FGF12: variants seen among roughly 807,000 people sequenced by gnomAD.
The protein encoded by FGF12 is fibroblast growth factor 12, also known as fibroblast growth factor 12B.
FGF12 carries 14 observed loss-of-function variants against 23.6 expected under a neutral mutation model. That is an observed-to-expected ratio of 0.59 (90% confidence interval 0.39 to 0.93). The LOEUF (loss-of-function observed/expected upper bound fraction) is 0.93, where lower values mean the gene tolerates loss of function less well. FGF12 is among the 40% of genes least tolerant of loss of function. The pLI, the probability that FGF12 is intolerant of heterozygous loss-of-function variation, is 0.00. For missense variants in FGF12, 175 were observed against 217.8 expected, an observed-to-expected ratio of 0.80 and a Z score of 1.24; for synonymous variants, 62 against 77.3, an observed-to-expected ratio of 0.80 and a Z score of 1.04.
intron 2 of FGF12, among the ~76,000 whole-genome samples, chr3:192,546,796 T>A (rs1725505948): frequency 6.6e-6 from 1 of 152,142 alleles, no homozygotes; most frequent in Non-Finnish European, 1.5e-5. Flanking sequence ...TGCCTATAAT[T>A]CTCCACACTT....
In FGF12 at chr3:192,408,285, G is replaced by A. The variant is rs930469897; in HGVS notation, c.14-47747C>T. The A allele has an allele frequency of 4.0e-6, 6 of 1,492,000 alleles. No individual in the cohort carries two copies. Among genetic ancestry groups the A allele is most frequent in the Non-Finnish European group, 4.4e-6 (5 of 1,126,114 alleles). 92.4% of individuals were successfully genotyped at this position (1,492,000 alleles called of 1,614,324 possible). On this transcript the variant is annotated intron_variant, in intron 2 of 5. Coordinates refer to ENST00000445105, the MANE Select transcript of FGF12 (RefSeq NM_004113.6). The surrounding 1 kb of genome is among the most constrained non-coding windows in gnomAD (Gnocchi z 7.3). ...TGCGCCCTCCGGCTTGCGCTCCGCC[G>A]GGGCGAGGGCAGGACCTGGGCGGCC...
chr3:192,232,466 C>A (rs1304343870), intron 4 of FGF12, among the ~76,000 whole-genome samples: 3 of 152,070 alleles, frequency 2.0e-5, no homozygotes, highest in Non-Finnish European at 4.4e-5. Flanking sequence ...ATTCCATAGT[C>A]AACCCTAGCA....
chr3:192,160,289 TTA>T (rs1714793557), intron 5 of FGF12, among the ~76,000 whole-genome samples: 1 of 152,130 alleles, frequency 6.6e-6, no homozygotes, highest in Non-Finnish European at 1.5e-5. Flanking sequence ...AGCCCTCAAT[TTA>T]TAGTCTTTCC....
At chr3:192,585,507 C>A (rs780692990) in intron 2 of FGF12, among the ~76,000 whole-genome samples, 17 of 152,052 alleles carry the variant, frequency 1.1e-4, no homozygotes, top group Non-Finnish European at 2.2e-4. Flanking sequence ...AGATTCTAGG[C>A]TCAGTGATTG....
At chr3:192,253,620 G>A (rs1240361299) in intron 4 of FGF12, among the ~76,000 whole-genome samples, 1 of 152,026 alleles carries the variant, frequency 6.6e-6, no homozygotes, top group Non-Finnish European at 1.5e-5. Context: ...GGCTGGATGT[G>A]GCTAAAGTTT....
At chr3:192,641,137 A>G (rs1321786026) in intron 2 of FGF12, among the ~76,000 whole-genome samples, 1 of 36,112 alleles carries the variant, frequency 2.8e-5, no homozygotes, top group African/African-American at 1.0e-4. Flanking sequence ...ACGGAGTCTC[A>G]CTCTGTCGCC....
rs1713251287 is a variant in FGF12, at chr3:192,139,570, A to G, written c.*4439T>C. 1.3e-5 allele frequency: 2 copies of G among 152,144 alleles called. No homozygotes were observed. The highest frequency in any genetic ancestry group is 1.3e-4 in the Admixed American group (2 of 15,272). 9.4% of individuals were successfully genotyped at this position (152,144 alleles called of 1,614,324 possible). ...GTTTTGGACTTTTTGAACAATTTTA[A>G]GTAAAATGAATGTCACTGTCTTTAA... On this transcript the variant is annotated 3_prime_UTR_variant, in exon 6 of 6. Coordinates refer to ENST00000445105, the MANE Select transcript of FGF12 (RefSeq NM_004113.6).
intron 4 of FGF12, among the ~76,000 whole-genome samples, chr3:192,286,547 T>C (rs1191529305): frequency 6.6e-6 from 1 of 152,032 alleles, no homozygotes; most frequent in East Asian, 1.9e-4. Flanking sequence ...TTACAAATGG[T>C]AGATACAGAG....
chr3:192,716,120 G>A (rs1449652143), intron 2 of FGF12, among the ~76,000 whole-genome samples: 1 of 151,682 alleles, frequency 6.6e-6, no homozygotes, highest in African/African-American at 2.4e-5. Flanking sequence ...TAGACTAGCA[G>A]CATCAACACC....
At chr3:192,711,068 GC>G (rs1290454942) in intron 2 of FGF12, among the ~76,000 whole-genome samples, 7 of 152,062 alleles carry the variant, frequency 4.6e-5, no homozygotes, top group Non-Finnish European at 8.8e-5. Flanking sequence ...CACCTTTTTA[GC>G]CCCCTACACC....
intron 4 of FGF12, among the ~76,000 whole-genome samples, chr3:192,241,252 A>C (rs1032259012): frequency 6.6e-6 from 1 of 152,196 alleles, no homozygotes; most frequent in African/African-American, 2.4e-5. Context: ...AATGATTTAA[A>C]CATATGCAAG....
chr3:192,642,322 A>G (rs556910396), intron 2 of FGF12, among the ~76,000 whole-genome samples: 303 of 152,340 alleles, frequency 2.0e-3, no homozygotes, highest in Middle Eastern at 6.8e-3. Context: ...TCCTAAGAGC[A>G]CTGTTCAGTC....
intron 2 of FGF12, among the ~76,000 whole-genome samples, chr3:192,601,190 C>A (rs768760308): frequency 6.6e-6 from 1 of 151,850 alleles, no homozygotes. Flanking sequence ...ATGAAATAAG[C>A]CAGGAATAGA....
intron 4 of FGF12, among the ~76,000 whole-genome samples, chr3:192,233,786 T>C (rs1719144822): frequency 6.6e-6 from 1 of 152,172 alleles, no homozygotes; most frequent in African/African-American, 2.4e-5. Context: ...CCCAGCACCA[T>C]TTACTGAATA....
chr3:192,368,399 A>G (rs1041040840), intron 2 of FGF12, among the ~76,000 whole-genome samples: 1 of 152,242 alleles, frequency 6.6e-6, no homozygotes, highest in Non-Finnish European at 1.5e-5. Flanking sequence ...AAAGCAATAT[A>G]AAAGGATAGA....
chr3:192,651,849 TGA>T (rs1401144281), intron 2 of FGF12, among the ~76,000 whole-genome samples: 4 of 152,212 alleles, frequency 2.6e-5, no homozygotes, highest in Non-Finnish European at 5.9e-5. Context: ...GTGTACTGCG[TGA>T]GGTCCAGCAA....
At chr3:192,727,449 A>C in intron 1 of FGF12, 35 bp downstream of exon 1, 9 of 921,482 alleles carry the variant, frequency 9.8e-6, no homozygotes, top group South Asian at 1.8e-5. Flanking sequence ...ATGCATGCAC[A>C]GTGCCCGCTC....
intron 4 of FGF12, among the ~76,000 whole-genome samples, chr3:192,288,709 A>T (rs1714596296): frequency 6.6e-6 from 1 of 152,094 alleles, no homozygotes; most frequent in Non-Finnish European, 1.5e-5. Context: ...ATGGCTTTTC[A>T]GTATCAAAGT....
intron 4 of FGF12, among the ~76,000 whole-genome samples, chr3:192,218,095 A>G (rs1718287145): frequency 6.6e-6 from 1 of 152,250 alleles, no homozygotes; most frequent in African/African-American, 2.4e-5. Context: ...GGCCTCCCAA[A>G]ATGCTGGGAT....
Sources: gnomAD v4.1 joint callset for allele counts (sites outside exome capture counted in the v4.1 genomes callset) on GRCh38, gnomAD v4.1.1 for gene constraint, Gnocchi (gnomAD v3.1) non-coding constraint, MANE v1.5 for transcripts, NCBI Gene and HGNC (gene_info 2026-07-23, HGNC 2026-07-21) for gene names.